NTM: variants seen among roughly 807,000 people sequenced by gnomAD.
NTM encodes neurotrimin, also known as IgLON family member 2.
Under a neutral mutation model 42.1 loss-of-function variants are expected in NTM, and 13 were observed. That is an observed-to-expected ratio of 0.31 (90% CI 0.20 to 0.49). NTM has a LOEUF of 0.49. NTM is among the 20% of genes least tolerant of loss of function. NTM has a pLI of 0.99. For missense variants in NTM, 373 were observed against 452.8 expected, an observed-to-expected ratio of 0.82 and a Z score of 1.60; for synonymous variants, 187 against 179.2, an observed-to-expected ratio of 1.04 and a Z score of -0.35.
At chr11:132,202,087 G>A (rs981113101) in intron 3 of NTM, among the ~76,000 whole-genome samples, 11 of 152,074 alleles carry the variant, frequency 7.2e-5, no homozygotes, top group African/African-American at 1.2e-4. Context: ...TCATTGTGAC[G>A]TTATTTCACG....
intron 1 of NTM, among the ~76,000 whole-genome samples, chr11:131,807,160 T>C (rs1032286285): frequency 4.0e-5 from 6 of 151,820 alleles, no homozygotes; most frequent in African/African-American, 1.2e-4. Flanking sequence ...CTGAAAGGAG[T>C]TATAGTAGTA....
chr11:131,416,861 A>T (rs1591607686), intron 1 of NTM, among the ~76,000 whole-genome samples: 1 of 152,380 alleles, frequency 6.6e-6, no homozygotes, highest in East Asian at 1.9e-4. Context: ...GTGGAAAAAA[A>T]GATAAAAATA....
chr11:132,135,798 C>T (rs1363230890), intron 2 of NTM, among the ~76,000 whole-genome samples: 1 of 152,162 alleles, frequency 6.6e-6, no homozygotes, highest in Non-Finnish European at 1.5e-5. Context: ...CTGCTTTGTC[C>T]TGCACAGGGA....
intron 6 of NTM, among the ~76,000 whole-genome samples, chr11:132,313,897 G>T (rs1031286597): frequency 7.2e-5 from 11 of 152,092 alleles, no homozygotes; most frequent in African/African-American, 2.7e-4. Flanking sequence ...ATATTCTTGG[G>T]AACCTCTAAT....
At chr11:131,706,640 T>A (rs1351065177) in intron 1 of NTM, among the ~76,000 whole-genome samples, 7 of 152,056 alleles carry the variant, frequency 4.6e-5, no homozygotes, top group Admixed American at 4.6e-4. Flanking sequence ...AGTTCTTTTA[T>A]AACCATAATG....
At chr11:132,141,345 C>T (rs1158124204) in intron 2 of NTM, among the ~76,000 whole-genome samples, 1 of 152,008 alleles carries the variant, frequency 6.6e-6, no homozygotes, top group Admixed American at 6.6e-5. Flanking sequence ...TCCATACTTT[C>T]ATGGTTCTAT....
chr11:131,567,453 A>C (rs1053878113), intron 1 of NTM, among the ~76,000 whole-genome samples: 1 of 152,026 alleles, frequency 6.6e-6, no homozygotes, highest in Non-Finnish European at 1.5e-5. Flanking sequence ...GCACCACTGC[A>C]CTCCAGCCTG....
chr11:131,371,761 C>T (rs1010554682), intron 1 of NTM, among the ~76,000 whole-genome samples: 18 of 138,436 alleles, frequency 1.3e-4, no homozygotes, highest in African/African-American at 4.8e-4. Context: ...CAGAATTATC[C>T]ACTAATCTTC....
chr11:132,005,777 C>A (rs2070630247), intron 2 of NTM, among the ~76,000 whole-genome samples: 1 of 152,160 alleles, frequency 6.6e-6, no homozygotes, highest in Non-Finnish European at 1.5e-5. Context: ...GTTTCACCTG[C>A]ATCTGCCCAC....
chr11:132,000,330 A>T (rs560420294), intron 2 of NTM, among the ~76,000 whole-genome samples: 1 of 152,292 alleles, frequency 6.6e-6, no homozygotes, highest in South Asian at 2.1e-4. Flanking sequence ...AGATTTCCAT[A>T]TCATCAACTC....
At chr11:131,852,842 C>A (rs1046154390) in intron 1 of NTM, among the ~76,000 whole-genome samples, 2 of 151,434 alleles carry the variant, frequency 1.3e-5, no homozygotes, top group African/African-American at 4.9e-5. Flanking sequence ...ACCCACCCAT[C>A]CATCCACCCA....
intron 1 of NTM, among the ~76,000 whole-genome samples, chr11:131,609,266 G>A (rs1779695182): frequency 6.6e-6 from 1 of 152,210 alleles, no homozygotes; most frequent in Non-Finnish European, 1.5e-5. Context: ...GCCACACTGA[G>A]AGCTTAGGCC....
rs933106646 is a variant in NTM, at chr11:131,524,235, C to T, written c.82+153347C>T. Among the ~76,000 whole-genome samples the T allele has an allele frequency of 2.0e-5, 3 of 152,180 alleles. No homozygotes were observed. In the East Asian group the frequency reaches 5.8e-4, roughly 29 times the overall value. On this transcript the variant is annotated intron_variant, in intron 1 of 8. Transcript: ENST00000683400. ...GTGGAAGGCCATGCCCACATGGGCTCCTTCTTCTCTGTGGTGTCTCAAGAT... is the reference window on the plus strand; with the variant it reads ...GTGGAAGGCCATGCCCACATGGGCTTCTTCTTCTCTGTGGTGTCTCAAGAT...
At chr11:131,552,901 T>C (rs2054901798) in intron 1 of NTM, among the ~76,000 whole-genome samples, 1 of 152,058 alleles carries the variant, frequency 6.6e-6, no homozygotes, top group Non-Finnish European at 1.5e-5. Context: ...GGTGTATTCA[T>C]TCAACGGAAC....
chr11:131,513,298 G>T (rs1312732227), intron 1 of NTM, among the ~76,000 whole-genome samples: 2 of 152,164 alleles, frequency 1.3e-5, no homozygotes, highest in Non-Finnish European at 2.9e-5. Flanking sequence ...CAGTTTGGAG[G>T]AGACATTGTG....
chr11:131,498,747 G>T (rs318977), intron 1 of NTM, among the ~76,000 whole-genome samples: 46,529 of 152,134 alleles, frequency 0.31, 7,358 homozygotes, highest in African/African-American at 0.37. Flanking sequence ...GGGAAGGGCT[G>T]GGGGGAAGCC....
At chr11:132,330,274 G>GCTAA (rs1404612999) in intron 8 of NTM, 89 bp downstream of exon 8, 200 of 1,435,636 alleles carry the variant, frequency 1.4e-4, no homozygotes, top group Non-Finnish European at 1.8e-4. Context: ...TCTTTCCTGA[G>GCTAA]CTAACTCCAG....
intron 2 of NTM, among the ~76,000 whole-genome samples, chr11:132,001,780 A>ACG (rs1448754361): frequency 2.6e-5 from 4 of 151,102 alleles, no homozygotes; most frequent in Non-Finnish European, 5.9e-5. Context: ...AGACAGGCAC[A>ACG]CACACACACA....
chr11:131,487,654 A>G (rs755787079), intron 1 of NTM, among the ~76,000 whole-genome samples: 2 of 152,236 alleles, frequency 1.3e-5, no homozygotes, highest in African/African-American at 2.4e-5. Flanking sequence ...GAGGTTACAG[A>G]TAGGGTAAAG....
Sources: allele counts gnomAD v4.1 joint callset (sites outside exome capture counted in the v4.1 genomes callset), GRCh38; gene constraint gnomAD v4.1.1; transcripts MANE v1.5; gene names NCBI Gene and HGNC (gene_info 2026-07-23, HGNC 2026-07-21).